Variants in SEMA3E observed in about 807,000 individuals in gnomAD.
SEMA3E encodes semaphorin 3E.
In SEMA3E, 49 loss-of-function variants were observed where a neutral mutation model predicts 93.6. That is an observed-to-expected ratio of 0.52 (90% CI 0.42 to 0.66). The LOEUF is 0.66. Ranked by LOEUF, SEMA3E falls within the 30% of genes least tolerant of loss-of-function variation. The pLI, the probability that SEMA3E is intolerant of heterozygous loss-of-function variation, is 0.00. For synonymous variants in SEMA3E, 363 were observed against 330.7 expected (o/e 1.10, Z -1.06); for missense variants, 906 against 964.8 (o/e 0.94, Z 0.81).
intron 1 of SEMA3E, among the ~76,000 whole-genome samples, chr7:83,499,851 A>G (rs1432278638): frequency 6.6e-6 from 1 of 152,156 alleles, no homozygotes; most frequent in East Asian, 1.9e-4. Flanking sequence ...GCATGCACAC[A>G]CACACAATGT....
At chr7:83,641,782 A>C (rs1429206207) in intron 1 of SEMA3E, among the ~76,000 whole-genome samples, 2 of 152,166 alleles carry the variant, frequency 1.3e-5, no homozygotes, top group African/African-American at 4.8e-5. Flanking sequence ...CTTTTAGAAT[A>C]AAAAAGAGAA....
chr7:83,621,622 ATGGTAC>A (rs1793557264), intron 1 of SEMA3E, among the ~76,000 whole-genome samples: 1 of 152,252 alleles, frequency 6.6e-6, no homozygotes, highest in African/African-American at 2.4e-5. Context: ...CCAAAACACC[ATGGTAC>A]TGGTACAAAA....
intron 1 of SEMA3E, among the ~76,000 whole-genome samples, chr7:83,645,362 C>G (rs74699460): frequency 0.047 from 7,096 of 152,060 alleles, 438 homozygotes; most frequent in African/African-American, 0.14. Flanking sequence ...TATTCATGAA[C>G]TTTTAAATAT....
At chr7:83,561,120 G>T (rs1792021643) in intron 1 of SEMA3E, among the ~76,000 whole-genome samples, 1 of 150,828 alleles carries the variant, frequency 6.6e-6, no homozygotes, top group Admixed American at 6.6e-5. Context: ...AAACCAACAG[G>T]TTTTCAGGAA....
At chr7:83,566,419 A>G (rs1792157842) in intron 1 of SEMA3E, among the ~76,000 whole-genome samples, 1 of 151,788 alleles carries the variant, frequency 6.6e-6, no homozygotes, top group African/African-American at 2.4e-5. Context: ...CATGTTTTCT[A>G]TTTTCATATG....
chr7:83,495,580 C>T (rs1790474912), intron 1 of SEMA3E, among the ~76,000 whole-genome samples: 2 of 151,668 alleles, frequency 1.3e-5, no homozygotes, highest in African/African-American at 4.8e-5. Context: ...GAAAAACATA[C>T]ATATAGCACG....
At chr7:83,635,191 A>G (rs1357728121) in intron 1 of SEMA3E, among the ~76,000 whole-genome samples, 2 of 151,942 alleles carry the variant, frequency 1.3e-5, no homozygotes, top group African/African-American at 2.4e-5. Context: ...TGCTTTTATT[A>G]TATTATTTAT....
intron 4 of SEMA3E, among the ~76,000 whole-genome samples, chr7:83,460,698 A>G (rs1193039842): frequency 6.8e-6 from 1 of 147,714 alleles, no homozygotes; most frequent in Non-Finnish European, 1.5e-5. Flanking sequence ...CTGCACCCCA[A>G]TCCCTTATTT....
chr7:83,577,571 T>C (rs140619558), intron 1 of SEMA3E, among the ~76,000 whole-genome samples: 108 of 152,318 alleles, frequency 7.1e-4, no homozygotes, highest in African/African-American at 2.5e-3. Flanking sequence ...CTGTATATTT[T>C]GTAATGTTTT....
intron 1 of SEMA3E, among the ~76,000 whole-genome samples, chr7:83,562,954 T>C (rs1792062220): frequency 6.6e-6 from 1 of 152,184 alleles, no homozygotes; most frequent in Non-Finnish European, 1.5e-5. Context: ...TTGTATCCTC[T>C]CAGCTCTATT....
At chr7:83,617,358 A>G (rs1445027539) in intron 1 of SEMA3E, among the ~76,000 whole-genome samples, 2 of 149,464 alleles carry the variant, frequency 1.3e-5, no homozygotes, top group African/African-American at 2.4e-5. Context: ...TTCCTTAATC[A>G]TGTCACAGAG....
intron 4 of SEMA3E, among the ~76,000 whole-genome samples, chr7:83,434,703 GTATTTC>G (rs1308207051): frequency 2.9e-5 from 4 of 137,356 alleles, no homozygotes; most frequent in Non-Finnish European, 6.2e-5. Flanking sequence ...ATCCTCAACT[GTATTTC>G]TTTTTTTTTT....
At chr7:83,418,349 C>A (rs751336415) in intron 5 of SEMA3E, 41 bp downstream of exon 5, 2 of 1,365,844 alleles carry the variant, frequency 1.5e-6, no homozygotes, top group African/African-American at 2.9e-5. Context: ...GTTTTAAAAT[C>A]CTTATGACTA....
At chr7:83,476,102 T>G (rs2115919889) in intron 2 of SEMA3E, among the ~76,000 whole-genome samples, 1 of 152,326 alleles carries the variant, frequency 6.6e-6, no homozygotes, top group East Asian at 1.9e-4. Flanking sequence ...TATTTCTGTC[T>G]CACTACCAGT....
chr7:83,580,830 C>G (rs1475520797), intron 1 of SEMA3E, among the ~76,000 whole-genome samples: 3 of 151,816 alleles, frequency 2.0e-5, no homozygotes, highest in African/African-American at 4.8e-5. Flanking sequence ...ATATAAGGCA[C>G]TAAATGCTGT....
intron 2 of SEMA3E, among the ~76,000 whole-genome samples, chr7:83,486,815 T>A (rs562260396): frequency 6.6e-6 from 1 of 152,070 alleles, no homozygotes; most frequent in African/African-American, 2.4e-5. Flanking sequence ...CTTTGCAATT[T>A]TGAAATTTTT....
chr7:83,538,145 A>G lies in SEMA3E; in HGVS notation c.116-47871T>C, dbSNP rs537928060. 1.6e-4 allele frequency among the ~76,000 whole-genome samples: 25 copies of G among 152,294 alleles called. No individual in the cohort carries two copies. In the East Asian group the frequency reaches 3.5e-3, roughly 21 times the overall value. On this transcript the variant is annotated intron_variant, in intron 1 of 16. Coordinates refer to ENST00000643230, the MANE Select transcript of SEMA3E (RefSeq NM_012431.3). ...ATGTTTCCACCTTTTGGCTAGTATG[A>G]ATAATGCTACTATAAACATTTGTAT...
At chr7:83,635,603 A>G (rs1047400181) in intron 1 of SEMA3E, among the ~76,000 whole-genome samples, 2 of 151,900 alleles carry the variant, frequency 1.3e-5, no homozygotes, top group Non-Finnish European at 2.9e-5. Flanking sequence ...TTCAAAATAT[A>G]TTATCAATTG....
At chr7:83,571,973 G>T (rs1229595021) in intron 1 of SEMA3E, among the ~76,000 whole-genome samples, 1 of 151,600 alleles carries the variant, frequency 6.6e-6, no homozygotes, top group Admixed American at 6.6e-5. Flanking sequence ...CCCACTTACA[G>T]TATCCACAAA....
Sources: gnomAD v4.1 joint callset for allele counts (sites outside exome capture counted in the v4.1 genomes callset) on GRCh38, gnomAD v4.1.1 for gene constraint, MANE v1.5 for transcripts, NCBI Gene and HGNC (gene_info 2026-07-23, HGNC 2026-07-21) for gene names.